BRINP1: variants seen among roughly 807,000 people sequenced by gnomAD.
BRINP1 encodes the protein BMP/retinoic acid inducible neural specific 1.
BRINP1 carries 17 observed loss-of-function variants against 72.9 expected under a neutral mutation model. That is an observed-to-expected ratio of 0.23 (90% CI 0.16 to 0.35). The LOEUF (loss-of-function observed/expected upper bound fraction) is 0.35. BRINP1 is among the 10% of genes least tolerant of loss of function. BRINP1 has a pLI of 1.00. For missense variants in BRINP1, 850 were observed against 1,001.6 expected (o/e 0.85, Z 2.04); for synonymous variants, 418 against 378.5 (o/e 1.10, Z -1.21).
At chr9:119,205,127 G>A (rs1309344183) in intron 7 of BRINP1, among the ~76,000 whole-genome samples, 2 of 149,642 alleles carry the variant, frequency 1.3e-5, no homozygotes, top group Admixed American at 1.3e-4. Context: ...GAGGTGCCCT[G>A]CGGTGTGAGA....
intron 2 of BRINP1, among the ~76,000 whole-genome samples, chr9:119,281,354 GTTCTC>G (rs1830709612): frequency 7.3e-6 from 1 of 136,750 alleles, no homozygotes; most frequent in Non-Finnish European, 1.5e-5. Context: ...CAGGAAACCA[GTTCTC>G]TTCTCTGTAG....
chr9:119,244,561 A>T (rs2118914636), intron 3 of BRINP1, among the ~76,000 whole-genome samples: 1 of 152,286 alleles, frequency 6.6e-6, no homozygotes. Flanking sequence ...ATATGCTAAG[A>T]GTTTGAGCCA....
intron 7 of BRINP1, among the ~76,000 whole-genome samples, chr9:119,179,980 T>G (rs1389882202): frequency 6.6e-6 from 1 of 152,104 alleles, no homozygotes; most frequent in Non-Finnish European, 1.5e-5. Flanking sequence ...GGGCTTCCCA[T>G]CAGTGCTTTC....
chr9:119,254,902 A>G (rs1175036021), intron 2 of BRINP1, among the ~76,000 whole-genome samples: 2 of 152,186 alleles, frequency 1.3e-5, no homozygotes, highest in East Asian at 1.9e-4. Flanking sequence ...CTTCACTCTA[A>G]CTCCATTCAT....
intron 7 of BRINP1, among the ~76,000 whole-genome samples, chr9:119,202,383 C>A (rs886604790): frequency 6.6e-6 from 1 of 152,114 alleles, no homozygotes; most frequent in African/African-American, 2.4e-5. Context: ...AATTGCATAG[C>A]CCCCTTTCTA....
intron 2 of BRINP1, among the ~76,000 whole-genome samples, chr9:119,260,079 T>C (rs1476021369): frequency 6.6e-6 from 1 of 152,196 alleles, no homozygotes; most frequent in Non-Finnish European, 1.5e-5. Flanking sequence ...AGTTAAGAAA[T>C]ATCCTTCTCT....
intron 7 of BRINP1, 147 bp downstream of exon 7, chr9:119,208,572 A>G: frequency 4.2e-6 from 3 of 710,358 alleles, no homozygotes; most frequent in Non-Finnish European, 4.8e-6. Flanking sequence ...CCCAGAGGCA[A>G]TCCAGAAAAT....
chr9:119,273,493 T>A (rs1237059003), intron 2 of BRINP1, among the ~76,000 whole-genome samples: 3 of 152,070 alleles, frequency 2.0e-5, no homozygotes. Context: ...GGGAGCAACG[T>A]GAGCAAGGCA....
chr9:119,336,109 A>T (rs575969629), intron 1 of BRINP1, among the ~76,000 whole-genome samples: 64 of 152,336 alleles, frequency 4.2e-4, no homozygotes, highest in African/African-American at 1.5e-3. Flanking sequence ...TAGATTGAAA[A>T]GAAAACCCCT....
At chr9:119,334,182 G>A (rs1245338641) in intron 1 of BRINP1, among the ~76,000 whole-genome samples, 1 of 152,190 alleles carries the variant, frequency 6.6e-6, no homozygotes, top group Non-Finnish European at 1.5e-5. Context: ...TTCCTTGCCA[G>A]GATGCCCCAA....
intron 6 of BRINP1, among the ~76,000 whole-genome samples, chr9:119,210,553 G>A (rs2118873304): frequency 6.6e-6 from 1 of 152,244 alleles, no homozygotes; most frequent in African/African-American, 2.4e-5. Flanking sequence ...GGAGAATTAA[G>A]ACTTGAGTCT....
chr9:119,247,487 TA>T (rs200481257), intron 3 of BRINP1, among the ~76,000 whole-genome samples: 5 of 150,072 alleles, frequency 3.3e-5, no homozygotes, highest in South Asian at 2.1e-4. Context: ...CCGTCTCTAC[TA>T]AAAAAAAATA....
At chr9:119,367,221 G>GATTGATATATATAT (rs1831703054) in intron 1 of BRINP1, among the ~76,000 whole-genome samples, 1 of 99,850 alleles carries the variant, frequency 1.0e-5, no homozygotes, top group African/African-American at 3.9e-5. Flanking sequence ...GTGTGTGATT[G>GATTGATATATATAT]ATATATATAT....
intron 1 of BRINP1, among the ~76,000 whole-genome samples, chr9:119,346,723 A>G (rs1831456498): frequency 6.6e-6 from 1 of 152,244 alleles, no homozygotes; most frequent in African/African-American, 2.4e-5. Flanking sequence ...AAAGAGAATG[A>G]AAATCTCAAA....
At chr9:119,348,917 T>G (rs1221708206) in intron 1 of BRINP1, among the ~76,000 whole-genome samples, 1 of 152,192 alleles carries the variant, frequency 6.6e-6, no homozygotes, top group African/African-American at 2.4e-5. Context: ...ATGTGTGGTG[T>G]AAATGTAGCA....
intron 2 of BRINP1, among the ~76,000 whole-genome samples, chr9:119,263,827 C>T (rs1821004255): frequency 6.6e-6 from 1 of 151,942 alleles, no homozygotes; most frequent in Non-Finnish European, 1.5e-5. Context: ...CCAGGATGGT[C>T]TCGATCTCCT....
At chr9:119,237,488 G>T (rs183311424) in intron 5 of BRINP1, among the ~76,000 whole-genome samples, 1 of 151,272 alleles carries the variant, frequency 6.6e-6, no homozygotes, top group Non-Finnish European at 1.5e-5. Context: ...TCAGCTTCCC[G>T]AGTAGCTGGG....
rs145869729 is a variant in BRINP1, at chr9:119,334,795, T to C, written c.-50-21390A>G. ...TTATGGAGGGGGTGGGGGAGGGGAA[T>C]AGAGAGAGAGAGAGAATCATGCTCA... On this transcript the variant is annotated intron_variant, in intron 1 of 7. Coordinates refer to ENST00000265922, the MANE Select transcript of BRINP1 (RefSeq NM_014618.3). 2.0e-3 allele frequency among the ~76,000 whole-genome samples: 302 copies of C among 149,460 alleles called. No individual in the cohort carries two copies. In the Middle Eastern group the frequency reaches 0.037, roughly 19 times the overall value.
chr9:119,172,597 T>C (rs1218577655), intron 7 of BRINP1, among the ~76,000 whole-genome samples: 4 of 150,900 alleles, frequency 2.7e-5, no homozygotes, highest in Non-Finnish European at 4.4e-5. Flanking sequence ...TTCCAATCAA[T>C]AGAAAAAGAG....
Sources: gnomAD v4.1 joint callset for allele counts (sites outside exome capture counted in the v4.1 genomes callset) on GRCh38, gnomAD v4.1.1 for gene constraint, MANE v1.5 for transcripts, NCBI Gene and HGNC (gene_info 2026-07-23, HGNC 2026-07-21) for gene names.